FEZ2: variants seen among roughly 807,000 people sequenced by gnomAD.
The protein encoded by FEZ2 is fasciculation and elongation protein zeta 2, also known as fasciculation and elongation protein zeta-2.
In FEZ2, 51 loss-of-function variants were observed where a neutral mutation model predicts 40.4. That is an observed-to-expected ratio of 1.26 (90% CI 1.01 to 1.59). FEZ2 has a LOEUF of 1.59. FEZ2 is among the 40% of genes most tolerant of loss of function. The pLI, the probability that FEZ2 is intolerant of heterozygous loss-of-function variation, is 0.00. For missense variants in FEZ2, 640 were observed against 438.3 expected, an observed-to-expected ratio of 1.46 and a Z score of -4.11; for synonymous variants, 242 against 172.0, an observed-to-expected ratio of 1.41 and a Z score of -3.18.
intron 5 of FEZ2, among the ~76,000 whole-genome samples, chr2:36,575,160 G>C (rs980869745): frequency 6.6e-6 from 1 of 152,130 alleles, no homozygotes; most frequent in Non-Finnish European, 1.5e-5. Flanking sequence ...GAAGGCATGG[G>C]ATGGGCCTCA....
chr2:36,561,008 A>T, intron 5 of FEZ2: 1 of 499,890 alleles, frequency 2.0e-6, no homozygotes, highest in Non-Finnish European at 3.6e-6. Context: ...AAAGCACATA[A>T]ACCCATGCTC....
intron 5 of FEZ2, among the ~76,000 whole-genome samples, chr2:36,565,708 G>C (rs1196856146): frequency 6.6e-6 from 1 of 152,158 alleles, no homozygotes; most frequent in Non-Finnish European, 1.5e-5. Flanking sequence ...AAACGTGGTA[G>C]TTGTTTTGAA....
At position 36,582,782 on chromosome 2, in the gene FEZ2, T is replaced by C. The variant is rs1471121641; in HGVS notation, c.492+571A>G. 5.9e-5 allele frequency among the ~76,000 whole-genome samples: 9 copies of C among 152,184 alleles called. No individual in the cohort carries two copies. The East Asian group carries it at 1.7e-3, about 29-fold the overall frequency. On this transcript the variant is annotated intron_variant, in intron 3 of 7. Transcript: ENST00000405912. ...ACAGTCCGAGTAGCCATGGAACATT[T>C]TATTTCAGGAAGAAGTTCTGGCATC...
intron 5 of FEZ2, among the ~76,000 whole-genome samples, chr2:36,563,177 T>A (rs1668136899): frequency 6.6e-6 from 1 of 152,246 alleles, no homozygotes; most frequent in African/African-American, 2.4e-5. Context: ...TCTCAACTAC[T>A]GACAGCCTGA....
Position 36,586,139 on chromosome 2 carries a change from T to C in FEZ2, c.376-2670A>G, listed in dbSNP as rs139902490. Among the ~76,000 whole-genome samples the C allele has an allele frequency of 1.5e-3, 234 of 152,262 alleles. 1 individual carries two copies. Among genetic ancestry groups the C allele is most frequent in the African/African-American group, 5.3e-3 (219 of 41,538 alleles). ...GAGGGGATGTATGATTTCTATACTG[T>C]AGAAGATGAAAATGTGGCACACTGT... is the stretch of plus-strand genomic sequence containing the variant. On this transcript the variant is annotated intron_variant, in intron 2 of 7. Coordinates refer to ENST00000405912, the MANE Select transcript of FEZ2 (RefSeq NM_005102.3).
intron 5 of FEZ2, among the ~76,000 whole-genome samples, chr2:36,574,421 C>T (rs1298968148): frequency 6.6e-6 from 1 of 151,828 alleles, no homozygotes; most frequent in African/African-American, 2.4e-5. Context: ...TCTACGAATA[C>T]CGAGAAAGTA....
intron 5 of FEZ2, among the ~76,000 whole-genome samples, chr2:36,576,058 C>T (rs13416837): frequency 1.1e-3 from 172 of 152,280 alleles, no homozygotes; most frequent in African/African-American, 4.0e-3. Context: ...ATTAGTATCA[C>T]TGATAATAGC....
At chr2:36,556,904 T>C (rs1463023472) in intron 6 of FEZ2, 1 of 152,208 alleles carries the variant, frequency 6.6e-6, no homozygotes, top group Admixed American at 6.5e-5. Context: ...GGCTCTTCTT[T>C]TGGAAAGAAA....
At chr2:36,584,773 T>C (rs772722597) in intron 2 of FEZ2, among the ~76,000 whole-genome samples, 4 of 152,234 alleles carry the variant, frequency 2.6e-5, no homozygotes, top group Non-Finnish European at 5.9e-5. Context: ...TTCCTACTGC[T>C]TCCCTAGTTC....
intron 3 of FEZ2, 55 bp downstream of exon 3, chr2:36,583,298 C>T (rs1668804615): frequency 5.6e-6 from 5 of 889,626 alleles, no homozygotes; most frequent in African/African-American, 1.7e-5. Context: ...AACAAGAAGC[C>T]GTTTTTCAGC....
intron 1 of FEZ2, among the ~76,000 whole-genome samples, chr2:36,592,560 T>C: frequency 6.6e-6 from 1 of 151,768 alleles, no homozygotes; most frequent in Non-Finnish European, 1.5e-5. Context: ...AATCCCAGCA[T>C]TTTGGGAAGC....
intron 5 of FEZ2, among the ~76,000 whole-genome samples, chr2:36,577,513 C>G (rs1407702591): frequency 6.6e-6 from 1 of 152,200 alleles, no homozygotes; most frequent in Non-Finnish European, 1.5e-5. Flanking sequence ...CTCGGCCTCC[C>G]AAAGTGCTGG....
chr2:36,591,216 C>A (rs1669063074), intron 1 of FEZ2: 4 of 572,022 alleles, frequency 7.0e-6, no homozygotes, highest in Non-Finnish European at 1.2e-5. Context: ...GACAAGAAGT[C>A]CTAAGGGAAG....
At chr2:36,593,388 G>A (rs1669126915) in intron 1 of FEZ2, among the ~76,000 whole-genome samples, 1 of 152,076 alleles carries the variant, frequency 6.6e-6, no homozygotes, top group South Asian at 2.1e-4. Flanking sequence ...CCCTAGCAGA[G>A]GTTCTCCATG....
chr2:36,594,159 G>C (rs1249311809), intron 1 of FEZ2, among the ~76,000 whole-genome samples: 1 of 151,960 alleles, frequency 6.6e-6, no homozygotes, highest in African/African-American at 2.4e-5. Context: ...CCATATTGCT[G>C]TCAGCATTTT....
At chr2:36,580,977 C>T (rs1668722908) in intron 4 of FEZ2, among the ~76,000 whole-genome samples, 1 of 152,100 alleles carries the variant, frequency 6.6e-6, no homozygotes, top group South Asian at 2.1e-4. Context: ...CATGACGAAA[C>T]CCCGTCTCTA....
At chr2:36,591,676 C>T (rs1441196286) in intron 1 of FEZ2, 1 of 152,254 alleles carries the variant, frequency 6.6e-6, no homozygotes, top group Non-Finnish European at 1.5e-5. Flanking sequence ...CAGGCTCTAT[C>T]CAATGCAGTT....
At chr2:36,595,637 C>T (rs916854832) in intron 1 of FEZ2, among the ~76,000 whole-genome samples, 3 of 152,118 alleles carry the variant, frequency 2.0e-5, no homozygotes, top group African/African-American at 7.2e-5. Context: ...ACCTAAAGCA[C>T]AGCAATATCT....
Position 36,578,867 on chromosome 2 carries a change from TG to T in FEZ2, c.635-3del, listed in dbSNP as rs1472974980. On this transcript the variant is annotated splice_polypyrimidine_tract_variant and splice_region_variant and intron_variant, in intron 4 of 7. Transcript: ENST00000405912. ...CAGACACTGAGAGCCTTTTCACTCC[TG>T]TGACCAAAAGCAAAATACAGCAGAT... The T allele has an allele frequency of 1.2e-6, 2 of 1,603,600 alleles. No homozygotes were observed. The highest frequency in any genetic ancestry group is 2.7e-5 in the African/African-American group (2 of 74,094).
Sources: gnomAD v4.1 joint callset for allele counts (sites outside exome capture counted in the v4.1 genomes callset) on GRCh38, gnomAD v4.1.1 for gene constraint, MANE v1.5 for transcripts, NCBI Gene and HGNC (gene_info 2026-07-23, HGNC 2026-07-21) for gene names.